Variants in STK33 observed in about 807,000 individuals in gnomAD.
STK33 encodes serine/threonine kinase 33, also known as serine/threonine-protein kinase 33.
Under a neutral mutation model 58.0 loss-of-function variants are expected in STK33, and 52 were observed. The observed-to-expected ratio is 0.90, with a 90% CI of 0.72 to 1.13. The LOEUF is 1.13. Ranked by LOEUF, STK33 falls within the 50% of genes most tolerant of loss-of-function variation. The pLI is 0.00. For missense variants in STK33, 630 were observed against 604.2 expected (o/e 1.04, Z -0.45); for synonymous variants, 215 against 200.1 (o/e 1.07, Z -0.63).
At chr11:8,505,996 A>G (rs1400297502) in intron 1 of STK33, among the ~76,000 whole-genome samples, 1 of 152,246 alleles carries the variant, frequency 6.6e-6, no homozygotes, top group Non-Finnish European at 1.5e-5. Context: ...ATTTATGAAC[A>G]TAAAGCTTTT....
intron 1 of STK33, among the ~76,000 whole-genome samples, chr11:8,581,836 G>C (rs1159552510): frequency 6.6e-6 from 1 of 152,182 alleles, no homozygotes; most frequent in Non-Finnish European, 1.5e-5. Context: ...TTTAAAATCA[G>C]ATTTAATCAT....
At chr11:8,480,713 G>A (rs1050007977) in intron 1 of STK33, 99 bp from the exon 2 acceptor site, 1 of 152,198 alleles carries the variant, frequency 6.6e-6, no homozygotes. Context: ...AGGTCTAAGA[G>A]CGAGCAAGGG....
At chr11:8,434,718 G>A (rs376600516) in intron 14 of STK33, among the ~76,000 whole-genome samples, 1 of 152,122 alleles carries the variant, frequency 6.6e-6, no homozygotes, top group African/African-American at 2.4e-5. Flanking sequence ...CATCTACCAG[G>A]AAAGAGGAAG....
Position 8,440,704 on chromosome 11 carries a change from C to T in STK33, c.921G>A (p.Trp307Ter), listed in dbSNP as rs1319678294. The part of the protein sequence containing the change: ...AHDYSQQCDI[W>*]SIGVVMYMLL... ...ACATGTACATTACGACGCCTATGCT[C>T]CAAATGTCACACTGCTGGCTATAGT... Residue 307 changes from tryptophan (W) to a stop codon, truncating the protein, a stop_gained, in exon 12 of 16, where the codon TGG becomes TGA. Transcript: ENST00000687296. LOFTEE classifies it high-confidence loss of function. 3 of 1,570,212 alleles carry T rather than the reference C, an allele frequency of 1.9e-6. No individual in the cohort carries two copies. Among genetic ancestry groups the T allele is most frequent in the Non-Finnish European group, 2.6e-6 (3 of 1,155,520 alleles).
chr11:8,530,118 G>T (rs1954402601), intron 1 of STK33, among the ~76,000 whole-genome samples: 1 of 152,178 alleles, frequency 6.6e-6, no homozygotes, highest in Non-Finnish European at 1.5e-5. Flanking sequence ...TGAGAATGTG[G>T]AGAGCATCAC....
intron 1 of STK33, among the ~76,000 whole-genome samples, chr11:8,582,606 C>T (rs1400283391): frequency 6.6e-6 from 1 of 152,182 alleles, no homozygotes; most frequent in Non-Finnish European, 1.5e-5. Context: ...ATTACCTCCA[C>T]CTGGTCTCTC....
At chr11:8,511,883 T>C (rs769804226) in intron 1 of STK33, among the ~76,000 whole-genome samples, 1 of 152,208 alleles carries the variant, frequency 6.6e-6, no homozygotes, top group Non-Finnish European at 1.5e-5. Flanking sequence ...GCTAGTATTT[T>C]GTTGAAGATT....
At chr11:8,357,751 C>G in the STK33 span, among the ~76,000 whole-genome samples, 3 of 152,138 alleles carry the variant, frequency 2.0e-5, no homozygotes, top group African/African-American at 7.2e-5. Context: ...GGAATTGCAG[C>G]CTTCAGGTGC....
intron 11 of STK33, among the ~76,000 whole-genome samples, chr11:8,445,212 T>A (rs988577698): frequency 1.3e-5 from 2 of 152,194 alleles, no homozygotes; most frequent in Non-Finnish European, 2.9e-5. Flanking sequence ...ATGCTTGTGA[T>A]TTTTGCACAT....
At chr11:8,433,937 A>G (rs1432188298) in intron 14 of STK33, 1 of 152,846 alleles carries the variant, frequency 6.5e-6, no homozygotes, top group African/African-American at 2.4e-5. Context: ...TTTTAAGAAT[A>G]TTATCGGCCG....
At chr11:8,338,620 A>T in the STK33 span, among the ~76,000 whole-genome samples, 1 of 152,052 alleles carries the variant, frequency 6.6e-6, no homozygotes, top group Non-Finnish European at 1.5e-5. Context: ...GGTGGTGGGT[A>T]TAATAATTAT....
intron 14 of STK33, among the ~76,000 whole-genome samples, chr11:8,429,971 C>A (rs776473092): frequency 6.6e-6 from 1 of 152,146 alleles, no homozygotes; most frequent in Admixed American, 6.5e-5. Flanking sequence ...CTATCTCTAG[C>A]CCACAGACCT....
chr11:8,532,122 A>G (rs1387276059), intron 1 of STK33, among the ~76,000 whole-genome samples: 3 of 152,226 alleles, frequency 2.0e-5, no homozygotes. Flanking sequence ...ATAAACACAC[A>G]TTCCTGGGCC....
intron 15 of STK33, among the ~76,000 whole-genome samples, chr11:8,406,400 CA>C (rs1939213597): frequency 6.6e-6 from 1 of 151,984 alleles, no homozygotes; most frequent in Admixed American, 6.5e-5. Flanking sequence ...CAATTTATAA[CA>C]AAAAAGCAAG....
At chr11:8,352,371 G>A in the STK33 span, among the ~76,000 whole-genome samples, 10 of 152,160 alleles carry the variant, frequency 6.6e-5, no homozygotes, top group Admixed American at 5.2e-4. Flanking sequence ...TCCCAGGACT[G>A]TGGTATTGTC....
At chr11:8,574,341 C>T (rs1958032062) in intron 1 of STK33, among the ~76,000 whole-genome samples, 2 of 151,836 alleles carry the variant, frequency 1.3e-5, no homozygotes, top group African/African-American at 4.8e-5. Flanking sequence ...TCAGAGTCTC[C>T]CTGTGTATTT....
At chr11:8,571,384 A>G (rs1957797493) in intron 1 of STK33, among the ~76,000 whole-genome samples, 1 of 152,222 alleles carries the variant, frequency 6.6e-6, no homozygotes, top group African/African-American at 2.4e-5. Context: ...TGGAAAGTAA[A>G]TTCAAGTTTA....
At chr11:8,419,853 TTAA>T (rs1941662201) in intron 14 of STK33, among the ~76,000 whole-genome samples, 1 of 152,192 alleles carries the variant, frequency 6.6e-6, no homozygotes, top group Non-Finnish European at 1.5e-5. Flanking sequence ...CATAAAAGAC[TTAA>T]TGATGGTTAT....
intron 14 of STK33, among the ~76,000 whole-genome samples, chr11:8,414,710 T>G (rs1940862017): frequency 6.6e-6 from 1 of 152,174 alleles, no homozygotes; most frequent in Non-Finnish European, 1.5e-5. Context: ...TAATTCTCTG[T>G]GATTCTTCTC....
Sources: allele counts gnomAD v4.1 joint callset (sites outside exome capture counted in the v4.1 genomes callset), GRCh38; gene constraint gnomAD v4.1.1; transcripts MANE v1.5; gene names NCBI Gene and HGNC (gene_info 2026-07-23, HGNC 2026-07-21).